The following BICD2 variants were observed in gnomAD, a reference collection of about 807,000 sequenced individuals.
BICD2 encodes BICD cargo adaptor 2, also known as protein bicaudal D homolog 2.
BICD2 carries 25 observed loss-of-function variants against 72.9 expected under a neutral mutation model. The observed-to-expected ratio is 0.34, with a 90% confidence interval of 0.25 to 0.48. The LOEUF (loss-of-function observed/expected upper bound fraction) is 0.48. Ranked by LOEUF, BICD2 falls within the 20% of genes least tolerant of loss-of-function variation. The pLI is 0.99. For missense variants in BICD2, 894 were observed against 1,175.2 expected (o/e 0.76, Z 3.50); for synonymous variants, 501 against 516.1 (o/e 0.97, Z 0.40).
At chr9:92,732,665 T>C (rs1853700505) in intron 1 of BICD2, among the ~76,000 whole-genome samples, 1 of 152,212 alleles carries the variant, frequency 6.6e-6, no homozygotes, top group African/African-American at 2.4e-5. Flanking sequence ...CAACATCTTT[T>C]AAACAACAAA....
intron 1 of BICD2, among the ~76,000 whole-genome samples, chr9:92,745,639 G>A (rs1853995200): frequency 1.3e-5 from 2 of 152,136 alleles, no homozygotes; most frequent in African/African-American, 4.8e-5. Context: ...CCCAGGGGAG[G>A]GAGGGCAATT....
At chr9:92,756,644 AG>A (rs890746274) in intron 1 of BICD2, among the ~76,000 whole-genome samples, 71 of 150,958 alleles carry the variant, frequency 4.7e-4, no homozygotes, top group Non-Finnish European at 8.9e-4. Context: ...AGGCCGAGGC[AG>A]GCAGATCATG....
At chr9:92,744,170 A>T (rs1396575776) in intron 1 of BICD2, among the ~76,000 whole-genome samples, 2 of 152,256 alleles carry the variant, frequency 1.3e-5, no homozygotes, top group Non-Finnish European at 2.9e-5. Context: ...ACAGTGGGTG[A>T]GGAAGGCGTG....
chr9:92,718,920 G>A lies in BICD2; in HGVS notation c.1725C>T (p.Pro575=), dbSNP rs201343832. Reference sequence around the variant, plus strand: ...TGGGTGAGCGCCGGCCACGCGCCTCGGGGCTGGTGCGGCCCCCGGGACTGG... The same window carrying A: ...TGGGTGAGCGCCGGCCACGCGCCTCAGGGCTGGTGCGGCCCCCGGGACTGG... ...GRTSPGGRTS[P]EARGRRSPIL... The change falls in exon 5 of 7, where the codon CCC becomes CCT. Residue 575 remains proline, a synonymous_variant. Coordinates refer to ENST00000356884, the MANE Select transcript of BICD2 (RefSeq NM_001003800.2). The A allele has an allele frequency of 2.2e-5, 35 of 1,606,936 alleles. No homozygotes were observed. In the Middle Eastern group the frequency reaches 7.6e-4, roughly 35 times the overall value.
chr9:92,728,198 G>A (rs992706244), intron 2 of BICD2, among the ~76,000 whole-genome samples: 3 of 152,176 alleles, frequency 2.0e-5, no homozygotes, highest in Non-Finnish European at 2.9e-5. Flanking sequence ...TGGCCACATC[G>A]TTCCCCTGGG....
rs1180309255 is a variant in BICD2, at chr9:92,718,884, G to A, written c.1761C>T (p.Pro587=). The A allele has an allele frequency of 3.1e-6, 5 of 1,601,610 alleles. No homozygotes were observed. Among genetic ancestry groups the A allele is most frequent in the Non-Finnish European group, 4.3e-6 (5 of 1,174,866 alleles). ...CCGCCTCAGGAGCCAGCAGCCCCTTGGGTAGGAGGATGGGTGAGCGCCGGC... is the reference window on the plus strand; with the variant it reads ...CCGCCTCAGGAGCCAGCAGCCCCTTAGGTAGGAGGATGGGTGAGCGCCGGC... ...ARGRRSPILL[P]KGLLAPEAGR... is the part of the protein sequence containing the mutation. The change falls in exon 5 of 7, where the codon CCC becomes CCT. Residue 587 remains proline (P), a synonymous_variant. Transcript: ENST00000356884.
chr9:92,749,750 C>T (rs1854109869), intron 1 of BICD2, among the ~76,000 whole-genome samples: 1 of 152,244 alleles, frequency 6.6e-6, no homozygotes. Flanking sequence ...ACCCTAGCTA[C>T]CCCGCCCAAG....
rs1004777247 is a variant in BICD2 at position 92,714,385 on chromosome 9, C to G, written c.*769G>C. 5 of 985,500 alleles carry G rather than the reference C, an allele frequency of 5.1e-6. No homozygotes were observed. The highest frequency in any genetic ancestry group is 6.0e-6 in the Non-Finnish European group (5 of 829,958). 61.0% of individuals were successfully genotyped at this position (985,500 alleles called of 1,614,324 possible). On this transcript the variant is annotated 3_prime_UTR_variant, in exon 7 of 7. Transcript: ENST00000356884. ...AAGGTCTGGCCAGGCACTTGGAAAG[C>G]TTTTCTCATGAAAAATGAAAACCTG...
At chr9:92,747,865 AAGAC>A (rs1854047943) in intron 1 of BICD2, among the ~76,000 whole-genome samples, 1 of 152,164 alleles carries the variant, frequency 6.6e-6, no homozygotes, top group African/African-American at 2.4e-5. Context: ...GCATGAATGG[AAGAC>A]AGACAGGGGG....
intron 1 of BICD2, among the ~76,000 whole-genome samples, chr9:92,745,444 G>C (rs1853990694): frequency 6.6e-6 from 1 of 151,972 alleles, no homozygotes; most frequent in Admixed American, 6.6e-5. Flanking sequence ...TGGGGACAGG[G>C]GAGGGGGGTC....
chr9:92,728,580 A>G (rs1323078801), intron 2 of BICD2, among the ~76,000 whole-genome samples: 3 of 152,194 alleles, frequency 2.0e-5, no homozygotes, highest in Admixed American at 6.5e-5. Context: ...TCGAGTCTCC[A>G]TGGAATATTT....
chr9:92,732,969 C>T (rs1853705701), intron 1 of BICD2, among the ~76,000 whole-genome samples: 1 of 152,056 alleles, frequency 6.6e-6, no homozygotes, highest in Admixed American at 6.6e-5. Context: ...ACCAAAATTC[C>T]AAAGCCTTTT....
intron 1 of BICD2, among the ~76,000 whole-genome samples, chr9:92,760,079 T>C (rs891646324): frequency 6.6e-6 from 1 of 152,114 alleles, no homozygotes; most frequent in Non-Finnish European, 1.5e-5. Flanking sequence ...AGGCAGCGGC[T>C]CATCCAGGGC....
rs1357621526 is a variant in BICD2, at chr9:92,715,421, C to A, written c.2301G>T (p.Gln767His). The change falls in exon 7 of 7, where the codon CAG becomes CAT. Residue 767 changes from glutamine to histidine, a missense_variant. By Grantham distance (24) the Gln-to-His change is conservative. Transcript: ENST00000356884. Reference protein sequence around the residue: ...YITQLDEMQRQLAAAEDEKKT... With the variant: ...YITQLDEMQRHLAAAEDEKKT... ...TCTTCTCGTCCTCAGCAGCCGCCAG[C>A]TGCCGCTGCATCTCATCCAGCTGTG... 6.2e-7 allele frequency: 1 copy of A among 1,604,220 alleles called. No individual in the cohort carries two copies. The highest frequency in any genetic ancestry group is 8.5e-7 in the Non-Finnish European group (1 of 1,172,604).
intron 1 of BICD2, among the ~76,000 whole-genome samples, chr9:92,736,328 A>T (rs559398935): frequency 7.0e-4 from 106 of 152,286 alleles, no homozygotes; most frequent in Non-Finnish European, 1.2e-3. Context: ...ATGTTAAAAG[A>T]CACTCCCATC....
At position 92,717,820 on chromosome 9, in the gene BICD2, C is replaced by A; in HGVS notation, c.2235G>T (p.Ser745=). The A allele has an allele frequency of 3.1e-6, 5 of 1,611,328 alleles. No homozygotes were observed. The highest frequency in any genetic ancestry group is 4.2e-6 in the Non-Finnish European group (5 of 1,179,546). The change falls in exon 6 of 7, where the codon TCG becomes TCT. Residue 745 remains serine (S), a synonymous_variant. Transcript: ENST00000356884. ...ALKEDAATFS[S]LRAMFATRCD... Reference sequence around the variant, plus strand: ...ACCTGGTGGCAAACATAGCACGCAGCGAGGAGAAGGTGGCTGCGTCCTCCT... The same window carrying A: ...ACCTGGTGGCAAACATAGCACGCAGAGAGGAGAAGGTGGCTGCGTCCTCCT...
chr9:92,736,474 G>A (rs1014224037), intron 1 of BICD2, among the ~76,000 whole-genome samples: 5 of 152,126 alleles, frequency 3.3e-5, no homozygotes, highest in African/African-American at 1.2e-4. Flanking sequence ...CTCAGCTCTG[G>A]GAACTGTACA....
At chr9:92,734,567 C>T (rs1047059810) in intron 1 of BICD2, among the ~76,000 whole-genome samples, 6 of 151,710 alleles carry the variant, frequency 4.0e-5, no homozygotes, top group Admixed American at 1.3e-4. Context: ...CACCCCCAAC[C>T]CAGGACAGCT....
At position 92,712,607 on chromosome 9, in the gene BICD2, T is replaced by C. The variant is rs181590675; in HGVS notation, c.*2547A>G. ...TGTATAAAATTCTGTTAATCAGTCATGCTTCACAACGTCCTAAAACCCAGA... is the reference window on the plus strand; with the variant it reads ...TGTATAAAATTCTGTTAATCAGTCACGCTTCACAACGTCCTAAAACCCAGA... On this transcript the variant is annotated 3_prime_UTR_variant, in exon 7 of 7. Transcript: ENST00000356884. The C allele has an allele frequency of 6.5e-6, 1 of 152,698 alleles. No individual in the cohort carries two copies. The highest frequency in any genetic ancestry group is 1.9e-4 in the East Asian group (1 of 5,190). 9.5% of individuals were successfully genotyped at this position (152,698 alleles called of 1,614,324 possible).
Sources: allele counts gnomAD v4.1 joint callset (sites outside exome capture counted in the v4.1 genomes callset), GRCh38; gene constraint gnomAD v4.1.1; transcripts MANE v1.5; gene names NCBI Gene and HGNC (gene_info 2026-07-23, HGNC 2026-07-21).